Variants in RNF113B observed in about 807,000 individuals in gnomAD.
RNF113B encodes zinc finger protein 183-like 1.
RNF113B carries 12 observed loss-of-function variants against 22.2 expected under a neutral mutation model. The observed-to-expected ratio is 0.54, with a 90% CI of 0.35 to 0.87. The LOEUF is 0.87. Among genes scored for constraint, RNF113B ranks in the 40% least tolerant of loss-of-function variants. The pLI is 0.01. For missense variants in RNF113B, 442 were observed against 455.4 expected (o/e 0.97, Z 0.27); for synonymous variants, 194 against 184.6 (o/e 1.05, Z -0.41).
At position 98,175,906 on chromosome 13, in the gene RNF113B, T is replaced by A. The variant is rs1877977448; in HGVS notation, c.*257A>T. On this transcript the variant is annotated 3_prime_UTR_variant, in exon 2 of 2. Transcript: ENST00000267291. Reference sequence around the variant, plus strand: ...AAAAGGATTTCCTTCCCGTTAAGGCTTAATAGCATTCCATTGTGTGTGTGT... The same window carrying A: ...AAAAGGATTTCCTTCCCGTTAAGGCATAATAGCATTCCATTGTGTGTGTGT... The A allele has an allele frequency of 3.9e-6, 2 of 513,980 alleles. No individual in the cohort carries two copies. Among genetic ancestry groups the A allele is most frequent in the Non-Finnish European group, 6.9e-6 (2 of 290,270 alleles). The allele number at this position is 513,980 out of a possible 1,614,324, so 31.8% of individuals were successfully genotyped here. A position where few individuals can be genotyped will look rare whatever the true frequency, so the allele number is the denominator to read the frequency against.
Position 98,176,118 on chromosome 13 carries a change from C to A in RNF113B, c.*45G>T. ...AGACTGTCATCTCTCTCATCTTACT[C>A]AACAGGCTGCTTCTCCCCAGTGTAC... On this transcript the variant is annotated 3_prime_UTR_variant, in exon 2 of 2. Coordinates refer to ENST00000267291, the MANE Select transcript of RNF113B (RefSeq NM_178861.5). This position sits in a 1 kb window ranked among gnomAD's most constrained non-coding sequence, Gnocchi z 6.2. 1 of 1,551,742 alleles carries A rather than the reference C, an allele frequency of 6.4e-7. No homozygotes were observed. The highest frequency in any genetic ancestry group is 1.1e-5 in the South Asian group (1 of 87,882).
At position 98,176,853 on chromosome 13, in the gene RNF113B, G is replaced by T; in HGVS notation, c.384C>A (p.Leu128=). 1 of 1,610,558 alleles carries T rather than the reference G, an allele frequency of 6.2e-7. No homozygotes were observed. Residue 128 remains leucine (L), a synonymous_variant, in exon 1 of 2, where the codon CTC becomes CTA. Coordinates refer to ENST00000267291, the MANE Select transcript of RNF113B (RefSeq NM_178861.5). This position sits in a 1 kb window ranked among gnomAD's most constrained non-coding sequence, Gnocchi z 6.2. ...CCTCCTGGACCCGCTGGCTGCACTT[G>T]AGGATGGTCGGCGTATGGTGCTCCT... ...TEKEHHTPTI[L]KCSQRVQEAL...
Position 98,176,777 on chromosome 13 carries a change from G to C in RNF113B, c.460C>G (p.Leu154Val), listed in dbSNP as rs773053844. Residue 154 changes from leucine (L) to valine (V), a missense_variant, in exon 1 of 2, where the codon CTG becomes GTG. Leu to Val is a conservative substitution (Grantham distance 32). Transcript: ENST00000267291. The surrounding 1 kb of genome is among the most constrained non-coding windows in gnomAD (Gnocchi z 6.2). ...DHIYRGIHSY[L>V]RYLKPKDTSM... ...GTGTCCTTGGGCTTCAGGTACCTCA[G>C]GTAGCTGTGGATTCCCCGGTAGATG... 3 of 1,613,954 alleles carry C rather than the reference G, an allele frequency of 1.9e-6. No homozygotes were observed. The South Asian group carries it at 3.3e-5, about 18-fold the overall frequency.
Position 98,175,936 on chromosome 13 carries a change from C to T in RNF113B, c.*227G>A, listed in dbSNP as rs1414561776. On this transcript the variant is annotated 3_prime_UTR_variant, in exon 2 of 2. Coordinates refer to ENST00000267291, the MANE Select transcript of RNF113B (RefSeq NM_178861.5). ...AGCATTCCATTGTGTGTGTGTATCG[C>T]ATTTTGTTTGTCCATTCATCCATCC... 3 of 563,106 alleles carry T rather than the reference C, an allele frequency of 5.3e-6. No homozygotes were observed. In the East Asian group the frequency reaches 8.8e-5, roughly 16 times the overall value. 34.9% of individuals were successfully genotyped at this position (563,106 alleles called of 1,614,324 possible). A position where few individuals can be genotyped will look rare whatever the true frequency, so the allele number is the denominator to read the frequency against.
At position 98,176,582 on chromosome 13, in the gene RNF113B, C is replaced by G. The variant is rs1365800450; in HGVS notation, c.655G>C (p.Asp219His). ...DSCKFLHDRSDYKLGWEIERE... is the reference protein window; with the variant it reads ...DSCKFLHDRSHYKLGWEIERE... ...TCAATCTCCCACCCGAGCTTGTAAT[C>G]GGAACGGTCGTGGAGGAATTTGCAG... is the stretch of plus-strand genomic sequence containing the variant. The change falls in exon 1 of 2, where the codon GAT becomes CAT. Residue 219 changes from aspartate to histidine, a missense_variant. Physicochemically the swap from Asp to His is moderately conservative, Grantham distance 81. Coordinates refer to ENST00000267291, the MANE Select transcript of RNF113B (RefSeq NM_178861.5). This position sits in a 1 kb window ranked among gnomAD's most constrained non-coding sequence, Gnocchi z 6.2. 2 of 1,614,100 alleles carry G rather than the reference C, an allele frequency of 1.2e-6. No individual in the cohort carries two copies. Among genetic ancestry groups the G allele is most frequent in the Non-Finnish European group, 8.5e-7 (1 of 1,180,046 alleles).
chr13:98,176,220 A>G lies in RNF113B; in HGVS notation c.956-44T>C, dbSNP rs553174924. ...TTATTTAAATGTGAGAATTATGGGA[A>G]ACCTAAGCCATGGGAATTGGACACT... On this transcript the variant is annotated intron_variant, in intron 1 of 1. Coordinates refer to ENST00000267291, the MANE Select transcript of RNF113B (RefSeq NM_178861.5). The surrounding 1 kb of genome is among the most constrained non-coding windows in gnomAD (Gnocchi z 6.2). 5 of 1,608,458 alleles carry G rather than the reference A, an allele frequency of 3.1e-6. No homozygotes were observed. In the South Asian group the frequency reaches 4.4e-5, roughly 14 times the overall value.
chr13:98,176,434 A>T lies in RNF113B; in HGVS notation c.803T>A (p.Val268Asp). The stretch of plus-strand genomic sequence containing the variant: ...GCAGAAATAATGCCTGCACTTGGTG[A>T]CGACTGGGTTTTGGAAGGCCTGGCG... The part of the protein sequence containing the change: ...ICRQAFQNPV[V>D]TKCRHYFCES... Residue 268 changes from valine to aspartate, a missense_variant, in exon 1 of 2, where the codon GTC (valine) becomes GAC (aspartate). Coordinates refer to ENST00000267291, the MANE Select transcript of RNF113B (RefSeq NM_178861.5). This position sits in a 1 kb window ranked among gnomAD's most constrained non-coding sequence, Gnocchi z 6.2. 6.2e-7 allele frequency: 1 copy of T among 1,614,220 alleles called. No individual in the cohort carries two copies. The highest frequency in any genetic ancestry group is 8.5e-7 in the Non-Finnish European group (1 of 1,180,042).
rs764233372 is a variant in RNF113B at position 98,177,156 on chromosome 13, C to G, written c.81G>C (p.Arg27=). ...VCTFLFKKPG[R]KGAAGLRKRP... is the part of the protein sequence containing the mutation. ...GCTTTCTGAGGCCTGCAGCCCCTTT[C>G]CGTCCAGGCTTTTTGAAGAGGAAGG... Residue 27 remains arginine, a synonymous_variant, in exon 1 of 2, where the codon CGG becomes CGC. Coordinates refer to ENST00000267291, the MANE Select transcript of RNF113B (RefSeq NM_178861.5). 4 of 1,607,392 alleles carry G rather than the reference C, an allele frequency of 2.5e-6. No individual in the cohort carries two copies. The East Asian group carries it at 8.9e-5, about 36-fold the overall frequency.
chr13:98,176,268 G>A lies in RNF113B; in HGVS notation c.955+14C>T. The A allele has an allele frequency of 5.0e-6, 8 of 1,611,082 alleles. No homozygotes were observed. Among genetic ancestry groups the A allele is most frequent in the Non-Finnish European group, 5.9e-6 (7 of 1,177,974 alleles). On this transcript the variant is annotated intron_variant, in intron 1 of 1. Coordinates refer to ENST00000267291, the MANE Select transcript of RNF113B (RefSeq NM_178861.5). The surrounding 1 kb of genome is among the most constrained non-coding windows in gnomAD (Gnocchi z 6.2). Reference sequence around the variant, plus strand: ...ACTCATGGGGGTCTTCTGTGAAATGGGACTTGCCCCCACCTTCTGCAGCCT... The same window carrying A: ...ACTCATGGGGGTCTTCTGTGAAATGAGACTTGCCCCCACCTTCTGCAGCCT...
rs1438857382 is a variant in RNF113B at position 98,175,797 on chromosome 13, T to C, written c.*366A>G. ...TACAGCGTATTGGTCATTTTGTGACTAGTTTATTTCACTTAGCAGTGTCGT... is the reference window on the plus strand; with the variant it reads ...TACAGCGTATTGGTCATTTTGTGACCAGTTTATTTCACTTAGCAGTGTCGT... On this transcript the variant is annotated 3_prime_UTR_variant, in exon 2 of 2. Transcript: ENST00000267291. 4 of 224,584 alleles carry C rather than the reference T, an allele frequency of 1.8e-5. No homozygotes were observed. Among genetic ancestry groups the C allele is most frequent in the Non-Finnish European group, 2.6e-5 (3 of 114,834 alleles). The allele number at this position is 224,584 out of a possible 1,614,324, so 13.9% of individuals were successfully genotyped here. A position where few individuals can be genotyped will look rare whatever the true frequency, so the allele number is the denominator to read the frequency against.
rs1007297013 is a variant in RNF113B, at chr13:98,176,684, C to T, written c.553G>A (p.Ala185Thr). The change falls in exon 1 of 2, where the codon GCC becomes ACC. Residue 185 changes from alanine to threonine, a missense_variant. Coordinates refer to ENST00000267291, the MANE Select transcript of RNF113B (RefSeq NM_178861.5). The surrounding 1 kb of genome is among the most constrained non-coding windows in gnomAD (Gnocchi z 6.2). The part of the protein sequence containing the change: ...GPIRAPGHLR[A>T]TVRWDYQPDI... ...GGCTGGTAATCCCAGCGCACAGTGGCGCGCAGATGCCCTGGCGCACGTATG... is the reference window on the plus strand; with the variant it reads ...GGCTGGTAATCCCAGCGCACAGTGGTGCGCAGATGCCCTGGCGCACGTATG... The T allele has an allele frequency of 6.2e-7, 1 of 1,614,034 alleles. No individual in the cohort carries two copies. Among genetic ancestry groups the T allele is most frequent in the East Asian group, 2.2e-5 (1 of 44,884 alleles).
rs1566699921 is a variant in RNF113B at position 98,175,984 on chromosome 13, C to T, written c.*179G>A. 3.2e-6 allele frequency: 2 copies of T among 630,548 alleles called. No homozygotes were observed. Among genetic ancestry groups the T allele is most frequent in the Admixed American group, 6.0e-5 (2 of 33,086 alleles). The allele number at this position is 630,548 out of a possible 1,614,324, so 39.1% of individuals were successfully genotyped here. On this transcript the variant is annotated 3_prime_UTR_variant, in exon 2 of 2. Transcript: ENST00000267291. Reference sequence around the variant, plus strand: ...TCCATGGACACTTGGGTTGTTTACACCTCTTGGCTTTTGCAAATAATTCTG... The same window carrying T: ...TCCATGGACACTTGGGTTGTTTACATCTCTTGGCTTTTGCAAATAATTCTG...
rs1208211083 is a variant in RNF113B, at chr13:98,176,991, G to A, written c.246C>T (p.Gly82=). Residue 82 remains glycine, a synonymous_variant, in exon 1 of 2, where the codon GGC becomes GGT. Transcript: ENST00000267291. The surrounding 1 kb of genome is among the most constrained non-coding windows in gnomAD (Gnocchi z 6.2). ...CGAGGCTCTCAGGCGCCGCCTCCTC[G>A]CCCCTCCTGTCGCCGTGAGCCGCCT... The part of the protein sequence containing the change: ...WQKAAHGDRR[G]EEAAPESLDV... 8.1e-6 allele frequency: 13 copies of A among 1,598,894 alleles called. No homozygotes were observed. Among genetic ancestry groups the A allele is most frequent in the African/African-American group, 2.7e-5 (2 of 74,970 alleles).
rs1245868601 is a variant in RNF113B, at chr13:98,176,925, C to T, written c.312G>A (p.Gly104=). ...CAGCGGTGGCCCCCATGTCCTCTGG[C>T]CCCACAGGCTTCGCCGAGCGGGTGG... ...YRSTRSAKPV[G]PEDMGATADF... The change falls in exon 1 of 2, where the codon GGG becomes GGA. Residue 104 remains glycine (G), a synonymous_variant. Transcript: ENST00000267291. The surrounding 1 kb of genome is among the most constrained non-coding windows in gnomAD (Gnocchi z 6.2). 3 of 1,603,734 alleles carry T rather than the reference C, an allele frequency of 1.9e-6. No homozygotes were observed. Among genetic ancestry groups the T allele is most frequent in the African/African-American group, 1.3e-5 (1 of 74,984 alleles).
rs376932060 is a variant in RNF113B at position 98,176,244 on chromosome 13, C to T, written c.955+38G>A. On this transcript the variant is annotated intron_variant, in intron 1 of 1. Coordinates refer to ENST00000267291, the MANE Select transcript of RNF113B (RefSeq NM_178861.5). This position sits in a 1 kb window ranked among gnomAD's most constrained non-coding sequence, Gnocchi z 6.2. ...AAACCTAAGCCATGGGAATTGGACA[C>T]TCATGGGGGTCTTCTGTGAAATGGG... 3 of 1,607,744 alleles carry T rather than the reference C, an allele frequency of 1.9e-6. No homozygotes were observed. Among genetic ancestry groups the T allele is most frequent in the Non-Finnish European group, 2.6e-6 (3 of 1,174,930 alleles).
chr13:98,177,038 G>T lies in RNF113B; in HGVS notation c.199C>A (p.Arg67=). The T allele has an allele frequency of 6.3e-7, 1 of 1,594,018 alleles. No homozygotes were observed. Among genetic ancestry groups the T allele is most frequent in the East Asian group, 2.2e-5 (1 of 44,578 alleles). ...AQPPRVAPRP[R]GLHSWQKAAH... is the part of the protein sequence containing the mutation. ...GCCTTCTGCCAGCTGTGGAGGCCCC[G>T]GGGCCTCGGTGCCACCCGCGGGGGC... is the stretch of plus-strand genomic sequence containing the variant. The change falls in exon 1 of 2, where the codon CGG becomes AGG. Residue 67 remains arginine (R), a synonymous_variant. Coordinates refer to ENST00000267291, the MANE Select transcript of RNF113B (RefSeq NM_178861.5).
Position 98,176,728 on chromosome 13 carries a change from C to T in RNF113B, c.509G>A (p.Gly170Glu), listed in dbSNP as rs1566701927. The change falls in exon 1 of 2, where the codon GGG becomes GAG. Residue 170 changes from glycine to glutamate, a missense_variant. By Grantham distance (98) the Gly-to-Glu change is moderately conservative. Coordinates refer to ENST00000267291, the MANE Select transcript of RNF113B (RefSeq NM_178861.5). The surrounding 1 kb of genome is among the most constrained non-coding windows in gnomAD (Gnocchi z 6.2). ...ACGTATGGGGCCCTTCCTCGCCATC[C>T]CCGAGGAGGAGTTGCCCATGGACGT... ...KDTSMGNSSS[G>E]MARKGPIRAP... 1.9e-6 allele frequency: 3 copies of T among 1,614,170 alleles called. No homozygotes were observed. Among genetic ancestry groups the T allele is most frequent in the Non-Finnish European group, 2.5e-6 (3 of 1,180,040 alleles).
In RNF113B at chr13:98,176,863, G is replaced by A. The variant is rs1241250348; in HGVS notation, c.374C>T (p.Pro125Leu). The change falls in exon 1 of 2, where the codon CCG becomes CTG. Residue 125 changes from proline (P) to leucine (L), a missense_variant. Pro to Leu is a moderately conservative substitution (Grantham distance 98). Coordinates refer to ENST00000267291, the MANE Select transcript of RNF113B (RefSeq NM_178861.5). The surrounding 1 kb of genome is among the most constrained non-coding windows in gnomAD (Gnocchi z 6.2). ...EQDTEKEHHT[P>L]TILKCSQRVQ... The stretch of plus-strand genomic sequence containing the variant: ...CCGCTGGCTGCACTTGAGGATGGTC[G>A]GCGTATGGTGCTCCTTCTCGGTGTC... The A allele has an allele frequency of 7.5e-6, 12 of 1,609,108 alleles. No homozygotes were observed. Among genetic ancestry groups the A allele is most frequent in the Non-Finnish European group, 9.3e-6 (11 of 1,179,908 alleles).
Position 98,177,194 on chromosome 13 carries a change from CTGCTTGGTCGGCCG to C in RNF113B, c.29_42del (p.Thr10ArgfsTer74). ...TTGAAGAGGAAGGTGCATACCTGGT[CTGCTTGGTCGGCCG>C]TCCTTCCTGGAGAAGGTGGCGCTGC... is the stretch of plus-strand genomic sequence containing the variant. On this transcript the variant is annotated frameshift_variant, in exon 1 of 2. Coordinates refer to ENST00000267291, the MANE Select transcript of RNF113B (RefSeq NM_178861.5). LOFTEE classifies it high-confidence loss of function. The C allele has an allele frequency of 6.3e-7, 1 of 1,582,250 alleles. No individual in the cohort carries two copies. Among genetic ancestry groups the C allele is most frequent in the Non-Finnish European group, 8.6e-7 (1 of 1,165,200 alleles).
Sources: gnomAD v4.1 joint callset for allele counts on GRCh38, gnomAD v4.1.1 for gene constraint, Gnocchi (gnomAD v3.1) non-coding constraint, MANE v1.5 for transcripts, NCBI Gene and HGNC (gene_info 2026-07-23, HGNC 2026-07-21) for gene names.